Variants in MAF observed in about 807,000 individuals in gnomAD.
MAF encodes the protein transcription factor Maf.
Under a neutral mutation model 22.0 loss-of-function variants are expected in MAF, and 10 were observed. The observed-to-expected ratio is 0.45, with a 90% confidence interval of 0.28 to 0.77. The LOEUF (loss-of-function observed/expected upper bound fraction) is 0.77. MAF is among the 30% of genes least tolerant of loss of function. MAF has a pLI of 0.12. For missense variants in MAF, 544 were observed against 548.4 expected, an observed-to-expected ratio of 0.99 and a Z score of 0.08; for synonymous variants, 337 against 255.8, an observed-to-expected ratio of 1.32 and a Z score of -3.03.
At chr16:79,556,467 C>T in the MAF span, among the ~76,000 whole-genome samples, 1 of 152,100 alleles carries the variant, frequency 6.6e-6, no homozygotes, top group South Asian at 2.1e-4. Context: ...GCCATTGTTG[C>T]CTGAACCCAC....
the MAF span, among the ~76,000 whole-genome samples, chr16:79,578,705 G>C: frequency 6.6e-6 from 1 of 152,074 alleles, no homozygotes. Context: ...ATGGTCCTGA[G>C]AAATAGATAA....
chr16:79,432,698 C>T, the MAF span, among the ~76,000 whole-genome samples: 1 of 152,158 alleles, frequency 6.6e-6, no homozygotes, highest in East Asian at 1.9e-4. Flanking sequence ...AGGATGGCCC[C>T]TAATCCAATA....
At chr16:79,362,737 G>A in the MAF span, among the ~76,000 whole-genome samples, 1 of 152,166 alleles carries the variant, frequency 6.6e-6, no homozygotes, top group African/African-American at 2.4e-5. Context: ...TAAAGAAAGT[G>A]AAACTCCAAG....
the MAF span, among the ~76,000 whole-genome samples, chr16:79,431,912 T>C: frequency 6.6e-6 from 1 of 152,190 alleles, no homozygotes; most frequent in Non-Finnish European, 1.5e-5. Flanking sequence ...CATATGCCTA[T>C]GCTGAAGACT....
At chr16:79,323,237 G>C in the MAF span, among the ~76,000 whole-genome samples, 1 of 138,372 alleles carries the variant, frequency 7.2e-6, no homozygotes, top group Admixed American at 7.7e-5. Flanking sequence ...AGTCAGTCTA[G>C]TCCCGGGGGT....
At chr16:79,452,913 A>G in the MAF span, among the ~76,000 whole-genome samples, 1 of 152,226 alleles carries the variant, frequency 6.6e-6, no homozygotes, top group African/African-American at 2.4e-5. Context: ...AGAGCCACTC[A>G]GGCGAGCTGC....
the MAF span, among the ~76,000 whole-genome samples, chr16:79,347,744 C>G: frequency 1.3e-5 from 2 of 152,122 alleles, no homozygotes; most frequent in African/African-American, 2.4e-5. Context: ...TGTGGCACAA[C>G]CCGGGCCAAG....
chr16:79,340,258 C>T, the MAF span, among the ~76,000 whole-genome samples: 1 of 151,964 alleles, frequency 6.6e-6, no homozygotes, highest in Admixed American at 6.5e-5. Context: ...CTACCTCTTC[C>T]TGCCTGCCTT....
At chr16:79,423,625 A>G in the MAF span, among the ~76,000 whole-genome samples, 438 of 152,324 alleles carry the variant, frequency 2.9e-3, no homozygotes, top group Non-Finnish European at 4.5e-3. Context: ...TAATAGCAGA[A>G]TTAGGCAGTT....
chr16:79,486,558 C>T, the MAF span, among the ~76,000 whole-genome samples: 1,022 of 152,284 alleles, frequency 6.7e-3, 5 homozygotes, highest in Middle Eastern at 0.024. Flanking sequence ...AAGATTCTCC[C>T]GCATAAGAAG....
chr16:79,220,531 G>C, the MAF span, among the ~76,000 whole-genome samples: 9 of 152,106 alleles, frequency 5.9e-5, no homozygotes, highest in South Asian at 2.1e-4. Flanking sequence ...CCTGTATCTA[G>C]CGAACAGATA....
chr16:79,467,579 C>G, the MAF span, among the ~76,000 whole-genome samples: 1 of 152,296 alleles, frequency 6.6e-6, no homozygotes, highest in East Asian at 1.9e-4. Context: ...CCCTTAACCT[C>G]CAAGTCAGTG....
At chr16:79,266,604 A>T in the MAF span, among the ~76,000 whole-genome samples, 1 of 152,248 alleles carries the variant, frequency 6.6e-6, no homozygotes. Context: ...CTCACCTCTG[A>T]TGCTGCACTT....
At chr16:79,429,180 C>T in the MAF span, among the ~76,000 whole-genome samples, 1 of 152,226 alleles carries the variant, frequency 6.6e-6, no homozygotes, top group Non-Finnish European at 1.5e-5. Flanking sequence ...ACATCTTTTC[C>T]CAGAATTAAG....
At chr16:79,405,606 C>G in the MAF span, among the ~76,000 whole-genome samples, 1 of 152,184 alleles carries the variant, frequency 6.6e-6, no homozygotes, top group Non-Finnish European at 1.5e-5. Context: ...GCAAAACACA[C>G]AGTAAAGCTG....
the MAF span, among the ~76,000 whole-genome samples, chr16:79,341,679 T>G: frequency 6.6e-6 from 1 of 152,208 alleles, no homozygotes; most frequent in African/African-American, 2.4e-5. Flanking sequence ...TGACTTTATT[T>G]ACATTTTAAC....
At chr16:79,545,741 C>G in the MAF span, among the ~76,000 whole-genome samples, 2 of 151,764 alleles carry the variant, frequency 1.3e-5, no homozygotes, top group African/African-American at 4.8e-5. Context: ...TTACCAGAAG[C>G]CAGGGGATGG....
chr16:79,541,488 A>AT, the MAF span, among the ~76,000 whole-genome samples: 49 of 151,502 alleles, frequency 3.2e-4, no homozygotes, highest in African/African-American at 1.0e-3. Flanking sequence ...AAAAAAAAAA[A>AT]AAATAATAAA....
chr16:79,218,077 A>T, the MAF span, among the ~76,000 whole-genome samples: 1 of 150,466 alleles, frequency 6.6e-6, no homozygotes, highest in Non-Finnish European at 1.5e-5. Context: ...CAATATATCC[A>T]AGCTAGTTTA....
Sources: gnomAD v4.1 joint callset for allele counts (sites outside exome capture counted in the v4.1 genomes callset) on GRCh38, gnomAD v4.1.1 for gene constraint, MANE v1.5 for transcripts, NCBI Gene and HGNC (gene_info 2026-07-23, HGNC 2026-07-21) for gene names.